AFF3: variants seen among roughly 807,000 people sequenced by gnomAD.
AFF3 encodes the protein ALF transcription elongation factor 3.
In AFF3, 32 loss-of-function variants were observed where a neutral mutation model predicts 129.7. That is an observed-to-expected ratio of 0.25 (90% CI 0.19 to 0.33). The LOEUF (loss-of-function observed/expected upper bound fraction) is 0.33. Among genes scored for constraint, AFF3 ranks in the 10% least tolerant of loss-of-function variants. The pLI is 1.00. For synonymous variants in AFF3, 644 were observed against 635.4 expected (o/e 1.01, Z -0.20); for missense variants, 1,373 against 1,592.0 (o/e 0.86, Z 2.34).
chr2:99,802,172 A>G (rs1298282651), intron 8 of AFF3, among the ~76,000 whole-genome samples: 1 of 152,226 alleles, frequency 6.6e-6, no homozygotes, highest in Non-Finnish European at 1.5e-5. Flanking sequence ...TTAACTAAAA[A>G]CACAATTTAA....
chr2:99,882,648 G>T (rs1303352875), intron 7 of AFF3, among the ~76,000 whole-genome samples: 1 of 152,204 alleles, frequency 6.6e-6, no homozygotes, highest in Non-Finnish European at 1.5e-5. Flanking sequence ...GGAGCTCATG[G>T]TAAAGCCTGC....
chr2:99,746,279 G>A (rs1390596481), intron 9 of AFF3, among the ~76,000 whole-genome samples: 2 of 150,808 alleles, frequency 1.3e-5, no homozygotes, highest in East Asian at 2.0e-4. Context: ...CTTCTATTAC[G>A]TGGCTTAATG....
chr2:99,564,488 C>T (rs1393135620), intron 20 of AFF3, among the ~76,000 whole-genome samples: 4 of 152,128 alleles, frequency 2.6e-5, no homozygotes, highest in Non-Finnish European at 5.9e-5. Context: ...AGTAGAAATA[C>T]TTTATTAAGA....
intron 1 of AFF3, among the ~76,000 whole-genome samples, chr2:100,129,621 G>A (rs897920867): frequency 6.6e-6 from 1 of 152,064 alleles, no homozygotes; most frequent in East Asian, 1.9e-4. Context: ...TTCCCAATAC[G>A]TCTAATTCAC....
intron 8 of AFF3, among the ~76,000 whole-genome samples, chr2:99,809,655 T>A (rs758047516): frequency 3.3e-5 from 5 of 152,136 alleles, no homozygotes; most frequent in Admixed American, 6.5e-5. Context: ...TTAGTGCCCA[T>A]GGAGCACAAG....
At chr2:99,726,484 A>G (rs1186890600) in intron 11 of AFF3, among the ~76,000 whole-genome samples, 1 of 152,250 alleles carries the variant, frequency 6.6e-6, no homozygotes, top group Non-Finnish European at 1.5e-5. Flanking sequence ...ATGTTGGTAT[A>G]TCAATTTGGC....
intron 7 of AFF3, among the ~76,000 whole-genome samples, chr2:99,971,611 CTG>C (rs1186139793): frequency 1.3e-5 from 2 of 152,198 alleles, no homozygotes; most frequent in Non-Finnish European, 2.9e-5. Flanking sequence ...ATAATTCACA[CTG>C]TGCAGTCCAC....
intron 7 of AFF3, among the ~76,000 whole-genome samples, chr2:100,005,923 T>A (rs1028146978): frequency 1.3e-5 from 2 of 152,232 alleles, no homozygotes; most frequent in East Asian, 3.8e-4. Context: ...AACTGAACAG[T>A]TCCTAAGTAT....
At chr2:99,627,338 CT>C (rs1208451202) in intron 13 of AFF3, among the ~76,000 whole-genome samples, 1 of 151,998 alleles carries the variant, frequency 6.6e-6, no homozygotes, top group Non-Finnish European at 1.5e-5. Context: ...TGATGTTGAG[CT>C]TTTTTTCATA....
At chr2:99,799,294 C>T (rs1451515320) in intron 8 of AFF3, among the ~76,000 whole-genome samples, 1 of 151,156 alleles carries the variant, frequency 6.6e-6, no homozygotes, top group Non-Finnish European at 1.5e-5. Context: ...ATACAAACTA[C>T]ATAAAATGAA....
At chr2:99,975,754 CT>C (rs35224838) in intron 7 of AFF3, among the ~76,000 whole-genome samples, 3,321 of 103,872 alleles carry the variant, frequency 0.032, 105 homozygotes, top group African/African-American at 0.12. Flanking sequence ...TTTCCCTCCA[CT>C]TTTTTTTTTT....
At chr2:99,997,922 G>A (rs1681003598) in intron 7 of AFF3, among the ~76,000 whole-genome samples, 1 of 152,120 alleles carries the variant, frequency 6.6e-6, no homozygotes, top group Admixed American at 6.5e-5. Flanking sequence ...CCACCCTCTT[G>A]ATGCTGCACC....
chr2:99,715,659 T>C (rs1397216505), intron 11 of AFF3, among the ~76,000 whole-genome samples: 1 of 148,376 alleles, frequency 6.7e-6, no homozygotes, highest in African/African-American at 2.5e-5. Flanking sequence ...CTGATTTATG[T>C]AGGTCATTTC....
At chr2:100,108,430 A>G (rs895433142) in intron 2 of AFF3, among the ~76,000 whole-genome samples, 4 of 151,858 alleles carry the variant, frequency 2.6e-5, no homozygotes, top group Admixed American at 6.6e-5. Context: ...CACTCCTCCT[A>G]TGTTTCCATG....
At chr2:99,664,014 C>A (rs187477716) in intron 12 of AFF3, among the ~76,000 whole-genome samples, 1 of 152,330 alleles carries the variant, frequency 6.6e-6, no homozygotes, top group Admixed American at 6.5e-5. Context: ...GGAAGACATG[C>A]AATATAATTA....
intron 11 of AFF3, among the ~76,000 whole-genome samples, chr2:99,693,922 C>CTTTT (rs796185117): frequency 6.8e-6 from 1 of 146,238 alleles, no homozygotes; most frequent in Non-Finnish European, 1.5e-5. Context: ...TTCCTTAATA[C>CTTTT]TTTTTTTTTT....
intron 4 of AFF3, among the ~76,000 whole-genome samples, chr2:100,074,439 G>A (rs1688436854): frequency 6.6e-6 from 1 of 152,190 alleles, no homozygotes; most frequent in African/African-American, 2.4e-5. Flanking sequence ...CAGCAGCTAT[G>A]TTAATAATCA....
In AFF3 at chr2:99,593,965, C is replaced by T. The variant is rs1210648121; in HGVS notation, c.1696G>A (p.Ala566Thr). The change falls in exon 15 of 25, where the codon GCA (alanine) becomes ACA (threonine). Residue 566 changes from alanine (A) to threonine (T), a missense_variant. By Grantham distance (58) the Ala-to-Thr change is moderately conservative. Coordinates refer to ENST00000672756, the MANE Select transcript of AFF3 (RefSeq NM_001386135.1). ...VAVSAAAPPP[A>T]VPCAPAENAP... Reference sequence around the variant, plus strand: ...TTCTCCGCGGGCGCACAGGGCACTGCGGGTGGCGGGGCGGCTGCGCTCACC... The same window carrying T: ...TTCTCCGCGGGCGCACAGGGCACTGTGGGTGGCGGGGCGGCTGCGCTCACC... 4 of 1,486,360 alleles carry T rather than the reference C, an allele frequency of 2.7e-6. No individual in the cohort carries two copies. The Admixed American group carries it at 7.0e-5, about 26-fold the overall frequency. The allele number at this position is 1,486,360 out of a possible 1,614,324, so 92.1% of individuals were successfully genotyped here.
chr2:99,587,118 T>C, intron 16 of AFF3, 36 bp downstream of exon 16: 1 of 1,612,628 alleles, frequency 6.2e-7, no homozygotes, highest in East Asian at 2.2e-5. Context: ...CAGAGATCTC[T>C]CCAGCTCACT....
Sources: allele counts gnomAD v4.1 joint callset (sites outside exome capture counted in the v4.1 genomes callset), GRCh38; gene constraint gnomAD v4.1.1; transcripts MANE v1.5; gene names NCBI Gene and HGNC (gene_info 2026-07-23, HGNC 2026-07-21).